Variants in ZBTB8A observed in about 807,000 individuals in gnomAD.
ZBTB8A encodes zinc finger and BTB domain-containing protein 8A.
A neutral mutation model predicts 37.8 loss-of-function variants in ZBTB8A; 19 were observed. That is an observed-to-expected ratio of 0.50 (90% confidence interval 0.35 to 0.74). The LOEUF is 0.74. Ranked by LOEUF, ZBTB8A falls within the 30% of genes least tolerant of loss-of-function variation. The probability of loss-of-function intolerance (pLI) is 0.01; values close to 1 mark genes in which losing one functional copy is unlikely to be tolerated. For missense variants in ZBTB8A, 394 were observed against 537.8 expected (o/e 0.73, Z 2.65); for synonymous variants, 181 against 185.2 (o/e 0.98, Z 0.19).
intron 2 of ZBTB8A, among the ~76,000 whole-genome samples, chr1:32,567,971 C>T (rs879175270): frequency 6.6e-6 from 1 of 151,708 alleles, no homozygotes; most frequent in African/African-American, 2.4e-5. Flanking sequence ...GAAACCCCGT[C>T]TCTACTAAAA....
intron 1 of ZBTB8A, among the ~76,000 whole-genome samples, chr1:32,542,372 G>A (rs866737881): frequency 7.9e-5 from 12 of 151,792 alleles, no homozygotes; most frequent in African/African-American, 2.2e-4. Flanking sequence ...TCAGGAGTTC[G>A]AGACCAGCCT....
intron 2 of ZBTB8A, among the ~76,000 whole-genome samples, chr1:32,569,313 C>T (rs1427669563): frequency 1.3e-5 from 2 of 148,216 alleles, no homozygotes; most frequent in East Asian, 4.0e-4. Context: ...TTTATGTATT[C>T]TGGGTACAAC....
chr1:32,590,209 C>T (rs1217605915), intron 2 of ZBTB8A, among the ~76,000 whole-genome samples: 1 of 152,058 alleles, frequency 6.6e-6, no homozygotes, highest in African/African-American at 2.4e-5. Flanking sequence ...GCTGGGATTA[C>T]AGGCATGAGC....
chr1:32,585,806 C>T (rs1644443493), intron 2 of ZBTB8A, among the ~76,000 whole-genome samples: 1 of 151,624 alleles, frequency 6.6e-6, no homozygotes, highest in African/African-American at 2.4e-5. Context: ...AGTTCGAGAC[C>T]AGACTGGCAA....
In ZBTB8A at chr1:32,601,022, T is replaced by A. The variant is rs1644571711; in HGVS notation, c.*603T>A. ...AAATCATTCATATTTGAAATTTTTATCATTAGCTTAAAAATTACTCTCAGT... is the reference window on the plus strand; with the variant it reads ...AAATCATTCATATTTGAAATTTTTAACATTAGCTTAAAAATTACTCTCAGT... On this transcript the variant is annotated 3_prime_UTR_variant, in exon 5 of 5. Coordinates refer to ENST00000373510, the MANE Select transcript of ZBTB8A (RefSeq NM_001040441.3). 6.6e-6 allele frequency: 1 copy of A among 151,410 alleles called. No homozygotes were observed. Among genetic ancestry groups the A allele is most frequent in the South Asian group, 2.1e-4 (1 of 4,806 alleles). 9.4% of individuals were successfully genotyped at this position (151,410 alleles called of 1,614,324 possible). A position where few individuals can be genotyped will look rare whatever the true frequency, so the allele number is the denominator to read the frequency against.
chr1:32,574,567 A>G (rs1281414543), intron 2 of ZBTB8A, among the ~76,000 whole-genome samples: 1 of 152,226 alleles, frequency 6.6e-6, no homozygotes, highest in Non-Finnish European at 1.5e-5. Flanking sequence ...CCTGCACTCC[A>G]GACTGAAAGA....
intron 2 of ZBTB8A, among the ~76,000 whole-genome samples, chr1:32,582,492 AC>A (rs1330572958): frequency 6.6e-6 from 1 of 152,118 alleles, no homozygotes; most frequent in Non-Finnish European, 1.5e-5. Context: ...TACTAAACAT[AC>A]AAAAATTAGC....
rs945111826 is a variant in ZBTB8A at position 32,578,912 on chromosome 1, A to G, written c.-1-14019A>G. 3.3e-5 allele frequency among the ~76,000 whole-genome samples: 5 copies of G among 152,178 alleles called. No homozygotes were observed. In the East Asian group the frequency reaches 9.6e-4, roughly 29 times the overall value. On this transcript the variant is annotated intron_variant, in intron 2 of 4. Transcript: ENST00000373510. The stretch of plus-strand genomic sequence containing the variant: ...TTTTTTATGGAATGGTGGACACTAT[A>G]AATATATATTTTTGAGTGTCTGAAT...
rs1282333123 is a variant in ZBTB8A, at chr1:32,583,205, C to A, written c.-1-9726C>A. ...GGACCAGCCTGGGAAACAGTGAAAC[C>A]CCATCTCTACTAAAAATACAGAAAA... is the stretch of plus-strand genomic sequence containing the variant. On this transcript the variant is annotated intron_variant, in intron 2 of 4. Coordinates refer to ENST00000373510, the MANE Select transcript of ZBTB8A (RefSeq NM_001040441.3). Among the ~76,000 whole-genome samples the A allele has an allele frequency of 2.0e-5, 3 of 151,690 alleles. No individual in the cohort carries two copies. The East Asian group carries it at 5.8e-4, about 29-fold the overall frequency.
chr1:32,572,630 C>T (rs985392195), intron 2 of ZBTB8A, among the ~76,000 whole-genome samples: 6 of 152,098 alleles, frequency 3.9e-5, no homozygotes, highest in African/African-American at 1.2e-4. Flanking sequence ...CTCCTGACCT[C>T]GGGTAATCCA....
In ZBTB8A at chr1:32,557,577, C is replaced by CT. The variant is rs1644212632; in HGVS notation, c.-2+4038dup. Among the ~76,000 whole-genome samples, 16 of 152,232 alleles carry CT rather than the reference C, an allele frequency of 1.1e-4. No homozygotes were observed. In the South Asian group the frequency reaches 3.3e-3, roughly 32 times the overall value. ...TCCTGGGCTCAAGTGATCCTCCCAC[C>CT]TCAGCCCCCAAGTAGCTGGGACTAC... On this transcript the variant is annotated intron_variant, in intron 2 of 4. Coordinates refer to ENST00000373510, the MANE Select transcript of ZBTB8A (RefSeq NM_001040441.3).
In ZBTB8A at chr1:32,593,364, G is replaced by T; in HGVS notation, c.433G>T (p.Val145Leu). The T allele has an allele frequency of 6.2e-7, 1 of 1,614,162 alleles. No homozygotes were observed. The highest frequency in any genetic ancestry group is 8.5e-7 in the Non-Finnish European group (1 of 1,180,032). ...LSDKDANSNG[V>L]ERSSFYSGGW... The stretch of plus-strand genomic sequence containing the variant: ...AGATAAAGATGCCAATTCTAATGGT[G>T]TAGAACGTTCCTCTTTTTATAGTGG... The change falls in exon 3 of 5, where the codon GTA becomes TTA. Residue 145 changes from valine to leucine, a missense_variant. Val to Leu is a conservative substitution (Grantham distance 32, BLOSUM62 1). Around this residue, in one of 4 missense-constraint regions of ZBTB8A, gnomAD observed 171 missense variants for 186.8 expected, o/e 0.92. Transcript: ENST00000373510.
chr1:32,602,520 G>A lies in ZBTB8A; in HGVS notation c.*2101G>A, dbSNP rs2148258013. 1 of 152,122 alleles carries A rather than the reference G, an allele frequency of 6.6e-6. No homozygotes were observed. Among genetic ancestry groups the A allele is most frequent in the South Asian group, 2.1e-4 (1 of 4,796 alleles). The allele number at this position is 152,122 out of a possible 1,614,324, so 9.4% of individuals were successfully genotyped here. ...TTGATAGAATTTCACTGTATATGGA[G>A]AGGCTCCATCTATTTTACTGTTTTC... On this transcript the variant is annotated 3_prime_UTR_variant, in exon 5 of 5. Coordinates refer to ENST00000373510, the MANE Select transcript of ZBTB8A (RefSeq NM_001040441.3).
chr1:32,592,850 C>T (rs1644500527), intron 2 of ZBTB8A, 81 bp from the exon 3 acceptor site: 2 of 1,213,930 alleles, frequency 1.6e-6, no homozygotes, highest in Middle Eastern at 2.0e-4. Flanking sequence ...GCCTGGGCCA[C>T]AGAGCAAGAT....
chr1:32,547,160 T>A (rs1334982691), intron 1 of ZBTB8A, among the ~76,000 whole-genome samples: 1 of 151,240 alleles, frequency 6.6e-6, no homozygotes, highest in East Asian at 2.0e-4. Context: ...TGCCTGGGCC[T>A]TCCAAAGTGC....
rs1419896377 is a variant in ZBTB8A, at chr1:32,602,821, G to A, written c.*2402G>A. 1 of 152,098 alleles carries A rather than the reference G, an allele frequency of 6.6e-6. No individual in the cohort carries two copies. Among genetic ancestry groups the A allele is most frequent in the African/African-American group, 2.4e-5 (1 of 41,402 alleles). 9.4% of individuals were successfully genotyped at this position (152,098 alleles called of 1,614,324 possible). A position where few individuals can be genotyped will look rare whatever the true frequency, so the allele number is the denominator to read the frequency against. ...CCCCCTCGGCCTCCCAAAGTGCTGGGATTACAGGCGTGAGCCACTGCGCCC... is the reference window on the plus strand; with the variant it reads ...CCCCCTCGGCCTCCCAAAGTGCTGGAATTACAGGCGTGAGCCACTGCGCCC... On this transcript the variant is annotated 3_prime_UTR_variant, in exon 5 of 5. Transcript: ENST00000373510.
intron 2 of ZBTB8A, among the ~76,000 whole-genome samples, chr1:32,578,728 G>A (rs1343723755): frequency 6.6e-6 from 1 of 151,392 alleles, no homozygotes; most frequent in Admixed American, 6.6e-5. Context: ...ATGGAGACAG[G>A]CTCTCACTGT....
At chr1:32,547,626 C>A (rs1196618775) in intron 1 of ZBTB8A, among the ~76,000 whole-genome samples, 533 of 98,546 alleles carry the variant, frequency 5.4e-3, no homozygotes, top group Admixed American at 6.4e-3. Flanking sequence ...GTCTGTATCT[C>A]AAAAAAAAAA....
At chr1:32,556,138 A>C (rs1644200394) in intron 2 of ZBTB8A, among the ~76,000 whole-genome samples, 1 of 151,966 alleles carries the variant, frequency 6.6e-6, no homozygotes, top group Non-Finnish European at 1.5e-5. Context: ...CAGTAACGTG[A>C]TCTCAGCTCA....
Sources: gnomAD v4.1 joint callset for allele counts (sites outside exome capture counted in the v4.1 genomes callset) on GRCh38, gnomAD v4.1.1 for gene constraint, gnomAD v4.1.1 regional missense constraint, MANE v1.5 for transcripts, NCBI Gene and HGNC (gene_info 2026-07-23, HGNC 2026-07-21) for gene names.